Variants in ST6GALNAC3 observed in about 807,000 individuals in gnomAD.
ST6GALNAC3 encodes the protein ST6 N-acetylgalactosaminide alpha-2,6-sialyltransferase 3.
A neutral mutation model predicts 32.7 loss-of-function variants in ST6GALNAC3; 25 were observed. That is an observed-to-expected ratio of 0.76 (90% CI 0.56 to 1.07). ST6GALNAC3 has a LOEUF of 1.07. Among genes scored for constraint, ST6GALNAC3 ranks in the 50% least tolerant of loss-of-function variants. ST6GALNAC3 has a pLI of 0.00. For missense variants in ST6GALNAC3, 355 were observed against 382.4 expected, an observed-to-expected ratio of 0.93 and a Z score of 0.60; for synonymous variants, 129 against 133.1, an observed-to-expected ratio of 0.97 and a Z score of 0.21.
chr1:76,493,914 G>T (rs909336523), intron 3 of ST6GALNAC3, among the ~76,000 whole-genome samples: 4 of 152,126 alleles, frequency 2.6e-5, no homozygotes, highest in Admixed American at 2.6e-4. Context: ...GTTTCATGAA[G>T]ATGTCCCACA....
intron 1 of ST6GALNAC3, among the ~76,000 whole-genome samples, chr1:76,100,538 T>G (rs528013524): frequency 1.3e-5 from 2 of 152,160 alleles, no homozygotes; most frequent in Non-Finnish European, 2.9e-5. Flanking sequence ...CCCAATTGGG[T>G]CAAGATGGAT....
At chr1:76,249,079 T>A (rs1003498483) in intron 1 of ST6GALNAC3, among the ~76,000 whole-genome samples, 2 of 152,234 alleles carry the variant, frequency 1.3e-5, no homozygotes, top group African/African-American at 4.8e-5. Context: ...ATAAGTTACT[T>A]TTTTAAATTA....
At chr1:76,117,269 G>C (rs1021709681) in intron 1 of ST6GALNAC3, among the ~76,000 whole-genome samples, 1 of 152,186 alleles carries the variant, frequency 6.6e-6, no homozygotes, top group African/African-American at 2.4e-5. Context: ...AGTTTAGTTT[G>C]AGGATACAAA....
At chr1:76,129,108 A>G (rs952293067) in intron 1 of ST6GALNAC3, among the ~76,000 whole-genome samples, 1 of 152,120 alleles carries the variant, frequency 6.6e-6, no homozygotes, top group African/African-American at 2.4e-5. Flanking sequence ...TGCGTGTCCT[A>G]TAACATCACC....
intron 1 of ST6GALNAC3, among the ~76,000 whole-genome samples, chr1:76,252,059 G>A (rs1436231916): frequency 6.6e-6 from 1 of 152,188 alleles, no homozygotes; most frequent in African/African-American, 2.4e-5. Flanking sequence ...GTTGATAGAT[G>A]GTGGGGAGCG....
At chr1:76,330,185 C>T (rs997287738) in intron 2 of ST6GALNAC3, among the ~76,000 whole-genome samples, 9 of 151,924 alleles carry the variant, frequency 5.9e-5, no homozygotes, top group African/African-American at 1.9e-4. Flanking sequence ...CAGAGCCTCA[C>T]TCTGTCGCCC....
chr1:76,166,812 T>C (rs1335691428), intron 1 of ST6GALNAC3, among the ~76,000 whole-genome samples: 1 of 152,190 alleles, frequency 6.6e-6, no homozygotes, highest in Non-Finnish European at 1.5e-5. Context: ...TTCACTGTTG[T>C]TGATGTACAG....
chr1:76,102,232 T>A (rs1228942010), intron 1 of ST6GALNAC3, among the ~76,000 whole-genome samples: 1 of 106,354 alleles, frequency 9.4e-6, no homozygotes, highest in African/African-American at 2.9e-5. Flanking sequence ...TTGCCTGGTG[T>A]GTTTGTGTGT....
intron 3 of ST6GALNAC3, among the ~76,000 whole-genome samples, chr1:76,549,929 A>T (rs191770027): frequency 1.3e-5 from 2 of 152,288 alleles, no homozygotes; most frequent in East Asian, 3.9e-4. Context: ...CCTGACAATG[A>T]GGAAGGTCGA....
intron 3 of ST6GALNAC3, among the ~76,000 whole-genome samples, chr1:76,438,718 C>T (rs971048698): frequency 6.6e-6 from 1 of 152,166 alleles, no homozygotes; most frequent in Non-Finnish European, 1.5e-5. Context: ...CAGTACCTCT[C>T]CTCTGAGCCA....
intron 1 of ST6GALNAC3, among the ~76,000 whole-genome samples, chr1:76,079,776 A>T (rs749994547): frequency 6.6e-5 from 10 of 152,136 alleles, no homozygotes; most frequent in Non-Finnish European, 1.3e-4. Context: ...GTTCTGTCTC[A>T]GGAAAACCTC....
intron 3 of ST6GALNAC3, among the ~76,000 whole-genome samples, chr1:76,618,010 C>T (rs780251987): frequency 1.2e-4 from 19 of 152,166 alleles, no homozygotes; most frequent in Non-Finnish European, 2.6e-4. Context: ...ATTACAAGCA[C>T]AGATCTACAA....
intron 1 of ST6GALNAC3, among the ~76,000 whole-genome samples, chr1:76,285,014 T>A (rs1570691123): frequency 6.6e-6 from 1 of 152,154 alleles, no homozygotes; most frequent in South Asian, 2.1e-4. Flanking sequence ...GCTCTCAGCT[T>A]AAGAGAGGTA....
chr1:76,623,349 C>T lies in ST6GALNAC3; in HGVS notation c.624-4103C>T, dbSNP rs34741962. On this transcript the variant is annotated intron_variant, in intron 3 of 4. Transcript: ENST00000328299. The stretch of plus-strand genomic sequence containing the variant: ...AAGGATTGATGGCTTCCTCTTCACA[C>T]GCCTGCCTTTATTTTCCCCTGCATG... Among the ~76,000 whole-genome samples, 1,233 of 152,046 alleles carry T rather than the reference C, an allele frequency of 8.1e-3. 63 individuals carry two copies. Among genetic ancestry groups the T allele is most frequent in the Admixed American group, 0.073 (1,108 of 15,254 alleles).
intron 3 of ST6GALNAC3, among the ~76,000 whole-genome samples, chr1:76,538,871 CACAA>C (rs1663801756): frequency 6.6e-6 from 1 of 151,966 alleles, no homozygotes; most frequent in African/African-American, 2.4e-5. Context: ...TAAGAGAGGA[CACAA>C]ACAAATGGAA....
chr1:76,289,568 G>T (rs1188827750), intron 1 of ST6GALNAC3, among the ~76,000 whole-genome samples: 1 of 152,228 alleles, frequency 6.6e-6, no homozygotes, highest in Admixed American at 6.5e-5. Context: ...CATTTGCTTA[G>T]TGAGGCTTCT....
At chr1:76,400,572 A>T (rs1359784583) in intron 2 of ST6GALNAC3, among the ~76,000 whole-genome samples, 1 of 152,172 alleles carries the variant, frequency 6.6e-6, no homozygotes, top group African/African-American at 2.4e-5. Context: ...CAAAAGTTTG[A>T]AAACTTCTGT....
chr1:76,499,803 C>A (rs1291638400), intron 3 of ST6GALNAC3, among the ~76,000 whole-genome samples: 1 of 152,000 alleles, frequency 6.6e-6, no homozygotes, highest in Non-Finnish European at 1.5e-5. Flanking sequence ...GAATCTATTC[C>A]ATGGATGTAC....
rs138654241 is a variant in ST6GALNAC3, at chr1:76,246,862, A to C, written c.19-66943A>C. Among the ~76,000 whole-genome samples, 30 of 152,262 alleles carry C rather than the reference A, an allele frequency of 2.0e-4. No homozygotes were observed. The East Asian group carries it at 5.6e-3, about 28-fold the overall frequency. On this transcript the variant is annotated intron_variant, in intron 1 of 4. Coordinates refer to ENST00000328299, the MANE Select transcript of ST6GALNAC3 (RefSeq NM_152996.4). ...TACCCTTGCTGGAGAGGAGTTGTGA[A>C]TATTTAGAGGAGAAGTGGAATTGTG...
Sources: allele counts gnomAD v4.1 joint callset (sites outside exome capture counted in the v4.1 genomes callset), GRCh38; gene constraint gnomAD v4.1.1; transcripts MANE v1.5; gene names NCBI Gene and HGNC (gene_info 2026-07-23, HGNC 2026-07-21).